Variants in NCOA1 observed in about 807,000 individuals in gnomAD.
NCOA1 encodes nuclear receptor coactivator 1.
NCOA1 carries 35 observed loss-of-function variants against 150.9 expected under a neutral mutation model. The observed-to-expected ratio is 0.23, with a 90% CI of 0.18 to 0.31. The LOEUF is 0.31. Among genes scored for constraint, NCOA1 ranks in the 10% least tolerant of loss-of-function variants. The pLI is 1.00. For missense variants in NCOA1, 1,491 were observed against 1,749.3 expected (o/e 0.85, Z 2.63); for synonymous variants, 590 against 630.0 (o/e 0.94, Z 0.95).
intron 6 of NCOA1, among the ~76,000 whole-genome samples, chr2:24,667,257 G>A (rs758081905): frequency 3.3e-5 from 5 of 152,084 alleles, no homozygotes; most frequent in African/African-American, 4.8e-5. Flanking sequence ...GCTTGGTCTC[G>A]AAACACTAAC....
At chr2:24,522,068 A>C (rs1242135191) in intron 1 of NCOA1, among the ~76,000 whole-genome samples, 2 of 152,162 alleles carry the variant, frequency 1.3e-5, no homozygotes, top group Admixed American at 6.5e-5. Flanking sequence ...CCCCAATGGA[A>C]TGTAAGTTCT....
chr2:24,662,908 C>T (rs1301031582), intron 5 of NCOA1, among the ~76,000 whole-genome samples: 1 of 151,990 alleles, frequency 6.6e-6, no homozygotes, highest in Non-Finnish European at 1.5e-5. Context: ...CCCACTCAGC[C>T]TCCTGAGTAA....
At chr2:24,754,857 A>G (rs1333577241) in intron 20 of NCOA1, among the ~76,000 whole-genome samples, 1 of 152,252 alleles carries the variant, frequency 6.6e-6, no homozygotes, top group East Asian at 1.9e-4. Context: ...CCCTAAGTCA[A>G]CATCTTGGAT....
chr2:24,712,450 C>A (rs1307030804), intron 14 of NCOA1, among the ~76,000 whole-genome samples: 1 of 152,156 alleles, frequency 6.6e-6, no homozygotes, highest in Non-Finnish European at 1.5e-5. Flanking sequence ...TATATAAGTA[C>A]AAAAGCCATT....
intron 15 of NCOA1, among the ~76,000 whole-genome samples, chr2:24,727,682 TTC>T (rs1328515413): frequency 2.0e-5 from 3 of 152,222 alleles, no homozygotes; most frequent in African/African-American, 7.2e-5. Flanking sequence ...TTGTATATAT[TTC>T]TGTTTTATGT....
chr2:24,707,467 C>G lies in NCOA1; in HGVS notation c.1997C>G (p.Ser666Cys). 1 of 1,614,214 alleles carries G rather than the reference C, an allele frequency of 6.2e-7. No individual in the cohort carries two copies. Among genetic ancestry groups the G allele is most frequent in the Admixed American group, 1.7e-5 (1 of 60,034 alleles). Reference protein sequence around the residue: ...DVLSCTGTSNSASANSSGGSC... With the variant: ...DVLSCTGTSNCASANSSGGSC... ...CTGTCTTGCACAGGCACTTCCAACT[C>G]TGCCTCTGCTAACTCTTCAGGAGGT... The change falls in exon 13 of 23, where the codon TCT (serine) becomes TGT (cysteine). Residue 666 changes from serine to cysteine, a missense_variant. Around this residue, in one of 8 missense-constraint regions of NCOA1, gnomAD observed 703 missense variants for 717.7 expected, o/e 0.98. Transcript: ENST00000348332.
At chr2:24,737,255 G>A (rs1372017923) in intron 17 of NCOA1, among the ~76,000 whole-genome samples, 1 of 152,068 alleles carries the variant, frequency 6.6e-6, no homozygotes, top group African/African-American at 2.4e-5. Flanking sequence ...GGAGAGAAGA[G>A]GCAGGTCAAA....
rs779824304 is a variant in NCOA1, at chr2:24,706,648, G to T, written c.1178G>T (p.Ser393Ile). The change falls in exon 13 of 23, where the codon AGT (serine) becomes ATT (isoleucine). Residue 393 changes from serine to isoleucine, a missense_variant. Physicochemically the swap from Ser to Ile is moderately radical, Grantham distance 142. Coordinates refer to ENST00000348332, the MANE Select transcript of NCOA1 (RefSeq NM_003743.5). Reference protein sequence around the residue: ...IPRVNPSVNPSISPAHGVARS... With the variant: ...IPRVNPSVNPIISPAHGVARS... ...CGAGTAAATCCCTCGGTCAATCCTAGTATCTCTCCAGCTCATGGTGTGGCT... is the reference window on the plus strand; with the variant it reads ...CGAGTAAATCCCTCGGTCAATCCTATTATCTCTCCAGCTCATGGTGTGGCT... 6.2e-7 allele frequency: 1 copy of T among 1,614,016 alleles called. No individual in the cohort carries two copies. The highest frequency in any genetic ancestry group is 8.5e-7 in the Non-Finnish European group (1 of 1,180,038).
chr2:24,694,848 AT>A (rs1346144102), intron 10 of NCOA1, among the ~76,000 whole-genome samples: 3 of 152,020 alleles, frequency 2.0e-5, no homozygotes, highest in African/African-American at 7.2e-5. Flanking sequence ...ATTATTGAAA[AT>A]TGAAAGTATT....
chr2:24,709,097 G>C (rs571069549), intron 13 of NCOA1, among the ~76,000 whole-genome samples: 1 of 152,088 alleles, frequency 6.6e-6, no homozygotes, highest in Non-Finnish European at 1.5e-5. Context: ...AGGCTGTCTC[G>C]TGTTTCTTGG....
intron 1 of NCOA1, among the ~76,000 whole-genome samples, chr2:24,503,777 C>A (rs1193147532): frequency 6.8e-6 from 1 of 147,760 alleles, no homozygotes; most frequent in Non-Finnish European, 1.5e-5. Context: ...GCTCTGTCGT[C>A]CAGGCTGGAT....
At chr2:24,630,923 T>C (rs1669680559) in intron 3 of NCOA1, among the ~76,000 whole-genome samples, 1 of 152,166 alleles carries the variant, frequency 6.6e-6, no homozygotes, top group African/African-American at 2.4e-5. Context: ...TTTTACAGCA[T>C]TTTCAGTGTT....
At chr2:24,731,238 G>A (rs1341836429) in intron 17 of NCOA1, among the ~76,000 whole-genome samples, 1 of 152,198 alleles carries the variant, frequency 6.6e-6, no homozygotes, top group African/African-American at 2.4e-5. Flanking sequence ...TGGAAAGGCA[G>A]TATGATGTAA....
rs545604541 is a variant in NCOA1 at position 24,695,566 on chromosome 2, A to G, written c.809-2092A>G. Among the ~76,000 whole-genome samples, 141 of 152,360 alleles carry G rather than the reference A, an allele frequency of 9.3e-4. 1 individual carries two copies. The highest frequency in any genetic ancestry group is 3.3e-3 in the African/African-American group (137 of 41,576). ...TATAAATCATAGAATTGACTTAGCT[A>G]AAAAGAATAAGTATAATAAATGTTA... On this transcript the variant is annotated intron_variant, in intron 10 of 22. Transcript: ENST00000348332.
chr2:24,598,065 G>C (rs186006147), intron 3 of NCOA1, among the ~76,000 whole-genome samples: 28 of 152,264 alleles, frequency 1.8e-4, no homozygotes, highest in Admixed American at 1.8e-3. Flanking sequence ...TGCTGAGAAT[G>C]ATGGTTTCCA....
chr2:24,682,285 G>C (rs1337656848), intron 7 of NCOA1, among the ~76,000 whole-genome samples: 1 of 152,150 alleles, frequency 6.6e-6, no homozygotes, highest in Non-Finnish European at 1.5e-5. Flanking sequence ...TCTGCATTCT[G>C]GCTCTTCCTC....
At chr2:24,506,506 A>G (rs866860822) in intron 1 of NCOA1, among the ~76,000 whole-genome samples, 1 of 152,152 alleles carries the variant, frequency 6.6e-6, no homozygotes, top group Non-Finnish European at 1.5e-5. Context: ...TTGACTGTCC[A>G]TTGGTGCAGA....
chr2:24,539,129 T>A (rs1052390291), intron 1 of NCOA1, among the ~76,000 whole-genome samples: 2 of 145,820 alleles, frequency 1.4e-5, no homozygotes, highest in Admixed American at 6.7e-5. Flanking sequence ...GAAGGTGAGT[T>A]TTTTCCCCCC....
At chr2:24,514,958 T>TGGTAC (rs1664103997) in intron 1 of NCOA1, among the ~76,000 whole-genome samples, 1 of 152,272 alleles carries the variant, frequency 6.6e-6, no homozygotes, top group African/African-American at 2.4e-5. Flanking sequence ...AAGACAGAGA[T>TGGTAC]GGTACGGATT....
Sources: gnomAD v4.1 joint callset for allele counts (sites outside exome capture counted in the v4.1 genomes callset) on GRCh38, gnomAD v4.1.1 for gene constraint, gnomAD v4.1.1 regional missense constraint, MANE v1.5 for transcripts, NCBI Gene and HGNC (gene_info 2026-07-23, HGNC 2026-07-21) for gene names.